PDE2A: variants seen among roughly 807,000 people sequenced by gnomAD.
PDE2A encodes cGMP-dependent 3',5'-cyclic phosphodiesterase.
Under a neutral mutation model 133.6 loss-of-function variants are expected in PDE2A, and 53 were observed. That is an observed-to-expected ratio of 0.40 (90% CI 0.32 to 0.50). PDE2A has a LOEUF of 0.50. Among genes scored for constraint, PDE2A ranks in the 20% least tolerant of loss-of-function variants. PDE2A has a pLI of 0.73. For synonymous variants in PDE2A, 491 were observed against 490.2 expected (o/e 1.00, Z -0.02); for missense variants, 796 against 1,232.4 (o/e 0.65, Z 5.30).
chr11:72,608,639 G>C (rs542721232), intron 3 of PDE2A, 23 bp downstream of exon 3: 1 of 1,287,152 alleles, frequency 7.8e-7, no homozygotes. Context: ...GGTGGGAAGC[G>C]TGGGGCAAGG....
At chr11:72,654,625 C>T (rs72962169) in intron 1 of PDE2A, among the ~76,000 whole-genome samples, 23,849 of 152,014 alleles carry the variant, frequency 0.16, 1,997 homozygotes, top group South Asian at 0.23. Flanking sequence ...TGCTCTCCTC[C>T]GCCCCAAGCT....
At chr11:72,669,086 G>T in intron 1 of PDE2A, 1 of 467,904 alleles carries the variant, frequency 2.1e-6, no homozygotes, top group South Asian at 8.8e-5. Flanking sequence ...GCCAAGAAAG[G>T]ATAATTATCT....
rs904240636 is a variant in PDE2A at position 72,665,302 on chromosome 11, T to C, written c.71+8835A>G. Among the ~76,000 whole-genome samples the C allele has an allele frequency of 5.7e-4, 87 of 152,064 alleles. 2 individuals are homozygous for C. The highest frequency in any genetic ancestry group is 2.6e-3 in the Admixed American group (40 of 15,258). ...CCCTAGAGCCCTGCATGATTCAGGATATGCCTCCCTGCTCCTTCCTGCGGG... is the reference window on the plus strand; with the variant it reads ...CCCTAGAGCCCTGCATGATTCAGGACATGCCTCCCTGCTCCTTCCTGCGGG... On this transcript the variant is annotated intron_variant, in intron 1 of 30. Coordinates refer to ENST00000334456, the MANE Select transcript of PDE2A (RefSeq NM_002599.5).
At chr11:72,669,960 A>C (rs1855346936) in intron 1 of PDE2A, among the ~76,000 whole-genome samples, 1 of 152,222 alleles carries the variant, frequency 6.6e-6, no homozygotes, top group African/African-American at 2.4e-5. Flanking sequence ...AGCCTGTTGG[A>C]GACACCTTCA....
chr11:72,654,392 G>A (rs1020733374), intron 1 of PDE2A, among the ~76,000 whole-genome samples: 25 of 152,212 alleles, frequency 1.6e-4, no homozygotes, highest in African/African-American at 5.8e-4. Context: ...TGCCTGAACT[G>A]GGGCTCAATC....
chr11:72,577,315 A>T lies in PDE2A; in HGVS notation c.*69T>A, dbSNP rs1855511366. 2.4e-6 allele frequency: 3 copies of T among 1,245,084 alleles called. No homozygotes were observed. Among genetic ancestry groups the T allele is most frequent in the Non-Finnish European group, 3.5e-6 (3 of 869,292 alleles). The allele number at this position is 1,245,084 out of a possible 1,614,324, so 77.1% of individuals were successfully genotyped here. Reference sequence around the variant, plus strand: ...ACCCAGGACCCGTGGCTCTGTTCCCAGTGCATCTGGCCAGACCAGTGGAGG... The same window carrying T: ...ACCCAGGACCCGTGGCTCTGTTCCCTGTGCATCTGGCCAGACCAGTGGAGG... On this transcript the variant is annotated 3_prime_UTR_variant, in exon 31 of 31. Coordinates refer to ENST00000334456, the MANE Select transcript of PDE2A (RefSeq NM_002599.5).
At chr11:72,593,862 T>C (rs1289096261) in intron 6 of PDE2A, among the ~76,000 whole-genome samples, 1 of 152,272 alleles carries the variant, frequency 6.6e-6, no homozygotes, top group Non-Finnish European at 1.5e-5. Context: ...TCGAGGGGTT[T>C]CCTTGCTAGC....
Position 72,614,545 on chromosome 11 carries a change from C to G in PDE2A, c.145-5794G>C, listed in dbSNP as rs575951101. On this transcript the variant is annotated intron_variant, in intron 2 of 30. Coordinates refer to ENST00000334456, the MANE Select transcript of PDE2A (RefSeq NM_002599.5). The stretch of plus-strand genomic sequence containing the variant: ...ACCACCCAGAGTGCTTGTTAAAGTG[C>G]AGATTGCTGGCCCCACCCCCAGGGT... Among the ~76,000 whole-genome samples, 10 of 152,296 alleles carry G rather than the reference C, an allele frequency of 6.6e-5. No homozygotes were observed. The South Asian group carries it at 2.1e-3, about 32-fold the overall frequency.
At chr11:72,636,288 A>C (rs1341323946) in intron 2 of PDE2A, among the ~76,000 whole-genome samples, 3 of 152,248 alleles carry the variant, frequency 2.0e-5, no homozygotes, top group African/African-American at 7.2e-5. Context: ...TTACATTAGA[A>C]CAATCACGCA....
At chr11:72,615,307 C>T (rs1857412460) in intron 2 of PDE2A, among the ~76,000 whole-genome samples, 1 of 152,202 alleles carries the variant, frequency 6.6e-6, no homozygotes, top group Non-Finnish European at 1.5e-5. Context: ...TCCCGGTTGT[C>T]CCCCGCACCC....
chr11:72,637,905 G>C (rs1024903172), intron 2 of PDE2A, among the ~76,000 whole-genome samples: 3 of 152,152 alleles, frequency 2.0e-5, no homozygotes, highest in African/African-American at 4.8e-5. Flanking sequence ...CAGGGAGGTC[G>C]GGGGATGGGC....
intron 26 of PDE2A, 52 bp from the exon 27 acceptor site, chr11:72,579,435 T>C (rs1855612774): frequency 6.3e-7 from 1 of 1,575,096 alleles, no homozygotes; most frequent in Non-Finnish European, 8.7e-7. Flanking sequence ...CCCCACCCAT[T>C]TGCCCATCCC....
At position 72,576,927 on chromosome 11, in the gene PDE2A, CTG is replaced by C. The variant is rs1467953187; in HGVS notation, c.*455_*456del. The C allele has an allele frequency of 5.5e-6, 1 of 182,576 alleles. No individual in the cohort carries two copies. Among genetic ancestry groups the C allele is most frequent in the Non-Finnish European group, 1.3e-5 (1 of 76,556 alleles). 11.3% of individuals were successfully genotyped at this position (182,576 alleles called of 1,614,324 possible). On this transcript the variant is annotated 3_prime_UTR_variant, in exon 31 of 31. Coordinates refer to ENST00000334456, the MANE Select transcript of PDE2A (RefSeq NM_002599.5). ...TCTAGTCCTCCCACAGAACTAAGGACTGTTTCCAAGATGCCACACTCTGCTCA... is the reference window on the plus strand; with the variant it reads ...TCTAGTCCTCCCACAGAACTAAGGACTTTCCAAGATGCCACACTCTGCTCA...
At chr11:72,617,309 C>T (rs922614626) in intron 2 of PDE2A, among the ~76,000 whole-genome samples, 1 of 152,142 alleles carries the variant, frequency 6.6e-6, no homozygotes, top group Non-Finnish European at 1.5e-5. Flanking sequence ...TGGGGTAGGG[C>T]TGGTGGGGTG....
chr11:72,673,457 G>A (rs1855429639), intron 1 of PDE2A, among the ~76,000 whole-genome samples: 1 of 151,738 alleles, frequency 6.6e-6, no homozygotes, highest in Non-Finnish European at 1.5e-5. Context: ...TAGTAGAGGG[G>A]TGTCGCCACG....
In PDE2A at chr11:72,578,997, C is replaced by T. The variant is rs754739546; in HGVS notation, c.2369G>A (p.Arg790Gln). 4.4e-5 allele frequency: 71 copies of T among 1,612,150 alleles called. No individual in the cohort carries two copies. The highest frequency in any genetic ancestry group is 5.8e-5 in the Non-Finnish European group (68 of 1,178,386). The change falls in exon 28 of 31, where the codon CGA (arginine) becomes CAA (glutamine). Residue 790 changes from arginine (R) to glutamine (Q), a missense_variant. By Grantham distance (43) the Arg-to-Gln change is conservative. Transcript: ENST00000334456. The surrounding 1 kb of genome is among the most constrained non-coding windows in gnomAD (Gnocchi z 4.2). ...AAGTCTGTGGTGCTGCTTGTTGTTT[C>T]GGTCGTAGCCCACTGTTGAGGGGAG... The part of the protein sequence containing the change: ...LQKMAEVGYD[R>Q]NNKQHHRLLL...
At chr11:72,642,179 C>T in intron 2 of PDE2A, 75 bp downstream of exon 2, 1 of 1,365,886 alleles carries the variant, frequency 7.3e-7, no homozygotes, top group Non-Finnish European at 9.5e-7. Flanking sequence ...GAGAAGGGTT[C>T]GGGGGCGGGC....
intron 18 of PDE2A, 95 bp from the exon 19 acceptor site, chr11:72,584,408 G>T (rs755941183): frequency 8.0e-7 from 1 of 1,251,504 alleles, no homozygotes; most frequent in Non-Finnish European, 1.2e-6. Flanking sequence ...GTTTCCGCAG[G>T]TTACGTACGT....
At chr11:72,584,983 C>A (rs896007140) in intron 16 of PDE2A, 39 bp from the exon 17 acceptor site, 2 of 1,596,276 alleles carry the variant, frequency 1.3e-6, no homozygotes, top group East Asian at 4.5e-5. Context: ...GGCCTGACAA[C>A]CCCCTCTGAT....
Sources: gnomAD v4.1 joint callset for allele counts (sites outside exome capture counted in the v4.1 genomes callset) on GRCh38, gnomAD v4.1.1 for gene constraint, Gnocchi (gnomAD v3.1) non-coding constraint, MANE v1.5 for transcripts, NCBI Gene and HGNC (gene_info 2026-07-23, HGNC 2026-07-21) for gene names.